TMEM71: variants seen among roughly 807,000 people sequenced by gnomAD.
TMEM71 encodes the protein transmembrane protein 71.
A neutral mutation model predicts 38.0 loss-of-function variants in TMEM71; 44 were observed. The observed-to-expected ratio is 1.16, with a 90% CI of 0.91 to 1.49. The LOEUF (loss-of-function observed/expected upper bound fraction) is 1.49. Among genes scored for constraint, TMEM71 ranks in the 40% most tolerant of loss-of-function variants. TMEM71 has a pLI of 0.00. For synonymous variants in TMEM71, 133 were observed against 122.5 expected, an observed-to-expected ratio of 1.09 and a Z score of -0.56; for missense variants, 367 against 348.6, an observed-to-expected ratio of 1.05 and a Z score of -0.42.
At position 132,757,299 on chromosome 8, in the gene TMEM71, A is replaced by G; in HGVS notation, c.41-5T>C. The stretch of plus-strand genomic sequence containing the variant: ...CTCTTTCCAACCTGGAAGAACCTGC[A>G]TAAACAAATGAGAGAGAAGTAGAAT... On this transcript the variant is annotated splice_polypyrimidine_tract_variant and splice_region_variant and intron_variant, in intron 2 of 9. Transcript: ENST00000677595. The G allele has an allele frequency of 1.3e-6, 2 of 1,586,576 alleles. No individual in the cohort carries two copies. Among genetic ancestry groups the G allele is most frequent in the Non-Finnish European group, 1.7e-6 (2 of 1,164,114 alleles).
Position 132,756,930 on chromosome 8 carries a change from A to G in TMEM71, c.101+304T>C, listed in dbSNP as rs192307322. Among the ~76,000 whole-genome samples the G allele has an allele frequency of 7.0e-3, 1,061 of 151,876 alleles. 12 individuals carry two copies. The highest frequency in any genetic ancestry group is 0.011 in the Non-Finnish European group (773 of 67,942). ...TTAGACAAGTCTCTCTCTGTCGCCC[A>G]GGTTGGAGGGCAGTGGTGGGATCTC... On this transcript the variant is annotated intron_variant, in intron 3 of 9. Coordinates refer to ENST00000677595, the MANE Select transcript of TMEM71 (RefSeq NM_001382403.1).
At chr8:132,754,674 T>C (rs1283607177) in intron 3 of TMEM71, among the ~76,000 whole-genome samples, 4 of 152,242 alleles carry the variant, frequency 2.6e-5, no homozygotes, top group Non-Finnish European at 5.9e-5. Flanking sequence ...TTGGCTACTA[T>C]TTGAATGGCT....
intron 3 of TMEM71, 73 bp from the exon 4 acceptor site, chr8:132,752,070 A>G: frequency 8.0e-7 from 1 of 1,250,320 alleles, no homozygotes; most frequent in Non-Finnish European, 1.2e-6. Flanking sequence ...ATGTCTCATC[A>G]CTGTGAAGGA....
downstream of TMEM71, among the ~76,000 whole-genome samples, chr8:132,708,975 A>G (rs2130982833): frequency 6.6e-6 from 1 of 152,342 alleles, no homozygotes; most frequent in Non-Finnish European, 1.5e-5. Flanking sequence ...CATTGTTTTA[A>G]GCCACCAAAT....
At chr8:132,709,032 G>A (rs975366768), downstream of TMEM71, among the ~76,000 whole-genome samples, 1 of 152,152 alleles carries the variant, frequency 6.6e-6, no homozygotes, top group Non-Finnish European at 1.5e-5. Flanking sequence ...TACAGCCGGG[G>A]AGAAAATGTC....
At chr8:132,723,652 C>T (rs1826971978) in intron 6 of TMEM71, among the ~76,000 whole-genome samples, 1 of 152,182 alleles carries the variant, frequency 6.6e-6, no homozygotes, top group South Asian at 2.1e-4. Context: ...CACTAAACTG[C>T]AAGCTCATTG....
At chr8:132,713,922 C>T (rs888577901) in intron 9 of TMEM71, 73 bp downstream of exon 9, 14 of 1,442,304 alleles carry the variant, frequency 9.7e-6, no homozygotes, top group Non-Finnish European at 1.3e-5. Context: ...TACTATGCAG[C>T]AGAAACCATT....
intron 2 of TMEM71, among the ~76,000 whole-genome samples, chr8:132,757,782 C>T (rs979233236): frequency 6.7e-6 from 1 of 148,232 alleles, no homozygotes; most frequent in African/African-American, 2.5e-5. Context: ...GCTGAGATCG[C>T]TCCACTGCAC....
chr8:132,722,017 C>A (rs761889727), intron 7 of TMEM71, 23 bp downstream of exon 7: 3 of 1,594,118 alleles, frequency 1.9e-6, no homozygotes, highest in Non-Finnish European at 1.7e-6. Flanking sequence ...AATACCGCTG[C>A]ATGAAAATAA....
chr8:132,706,108 G>A (rs1826091328), downstream of TMEM71, among the ~76,000 whole-genome samples: 1 of 152,078 alleles, frequency 6.6e-6, no homozygotes, highest in South Asian at 2.1e-4. Flanking sequence ...ACCAGGAAGT[G>A]AGCCCTCACC....
rs750349298 is a variant in TMEM71, at chr8:132,714,153, C to A, written c.814+1G>T. The stretch of plus-strand genomic sequence containing the variant: ...CAGTAATCTGGGAAACAGTTACTTA[C>A]AAGCTACAGTTATCATCAATGAGCA... On this transcript the variant is annotated splice_donor_variant, in intron 8 of 9. Transcript: ENST00000677595. LOFTEE classifies it high-confidence loss of function. The A allele has an allele frequency of 6.2e-7, 1 of 1,612,794 alleles. No individual in the cohort carries two copies. Among genetic ancestry groups the A allele is most frequent in the Non-Finnish European group, 8.5e-7 (1 of 1,179,002 alleles).
the TMEM71 span, among the ~76,000 whole-genome samples, chr8:132,772,249 T>C: frequency 2.0e-5 from 3 of 152,244 alleles, no homozygotes; most frequent in African/African-American, 7.2e-5. Flanking sequence ...ATTTTTAATG[T>C]TGGAGGAATT....
intron 9 of TMEM71, among the ~76,000 whole-genome samples, chr8:132,713,230 T>G (rs1190571600): frequency 6.6e-6 from 1 of 151,686 alleles, no homozygotes; most frequent in African/African-American, 2.4e-5. Context: ...TGAATAAAAC[T>G]TAGCTGTATG....
At chr8:132,734,031 T>C (rs776375719) in intron 5 of TMEM71, among the ~76,000 whole-genome samples, 9 of 152,204 alleles carry the variant, frequency 5.9e-5, no homozygotes, top group Admixed American at 6.5e-5. Context: ...GGAGCCATTG[T>C]TCAATGTGAA....
intron 4 of TMEM71, among the ~76,000 whole-genome samples, chr8:132,749,737 C>G (rs1290290344): frequency 1.3e-5 from 2 of 152,186 alleles, no homozygotes; most frequent in Middle Eastern, 3.4e-3. Context: ...AAATCTGGGC[C>G]CGGCACAGTG....
chr8:132,728,053 G>C, intron 5 of TMEM71, 67 bp from the exon 6 acceptor site: 1 of 1,168,298 alleles, frequency 8.6e-7, no homozygotes, highest in South Asian at 1.5e-5. Flanking sequence ...TGTGTGTTCA[G>C]TGACTGCTCA....
At chr8:132,727,752 G>C (rs781655341) in intron 6 of TMEM71, 46 bp downstream of exon 6, 1 of 1,493,694 alleles carries the variant, frequency 6.7e-7, no homozygotes, top group East Asian at 2.3e-5. Flanking sequence ...GCTCTGAAAG[G>C]AAGAATTCTT....
chr8:132,726,436 AACAATAAC>A (rs1161705257), intron 6 of TMEM71, among the ~76,000 whole-genome samples: 1 of 152,204 alleles, frequency 6.6e-6, no homozygotes, highest in Non-Finnish European at 1.5e-5. Flanking sequence ...AATGTTATGT[AACAATAAC>A]TTCACATTTA....
chr8:132,713,350 C>A (rs1330373191), intron 9 of TMEM71, among the ~76,000 whole-genome samples: 1 of 152,010 alleles, frequency 6.6e-6, no homozygotes, highest in Non-Finnish European at 1.5e-5. Context: ...CACTAAACCC[C>A]ATTGTGATTT....
Sources: gnomAD v4.1 joint callset for allele counts (sites outside exome capture counted in the v4.1 genomes callset) on GRCh38, gnomAD v4.1.1 for gene constraint, MANE v1.5 for transcripts, NCBI Gene and HGNC (gene_info 2026-07-23, HGNC 2026-07-21) for gene names.